Variants in PRDM6 observed in about 807,000 individuals in gnomAD.
The protein encoded by PRDM6 is PR/SET domain 6.
A neutral mutation model predicts 60.8 loss-of-function variants in PRDM6; 25 were observed. The ratio of observed to expected loss-of-function variants is 0.41; its 90% CI spans 0.30 to 0.57. The LOEUF is 0.57. PRDM6 is among the 20% of genes least tolerant of loss of function. PRDM6 has a pLI of 0.27. For synonymous variants in PRDM6, 407 were observed against 357.4 expected (o/e 1.14, Z -1.57); for missense variants, 839 against 821.3 (o/e 1.02, Z -0.26).
intron 6 of PRDM6, 126 bp from the exon 7 acceptor site, chr5:123,180,021 G>C (rs1766110265): frequency 1.1e-6 from 1 of 928,856 alleles, no homozygotes; most frequent in Non-Finnish European, 1.6e-6. Context: ...AGTGGCCAAA[G>C]CTCTATGCCC....
Position 123,099,883 on chromosome 5 carries a change from T to G in PRDM6, c.822T>G (p.Ile274Met). ...AGAGGATCCAGCAAGGCACCTGGAT[T>G]GGACCTTTCCAAGGCGTGCTTCTGC... ...AAQRIQQGTW[I>M]GPFQGVLLPP... is the part of the protein sequence containing the mutation. Residue 274 changes from isoleucine (I) to methionine (M), a missense_variant, in exon 3 of 8, where the codon ATT (isoleucine) becomes ATG (methionine). Physicochemically the swap from Ile to Met is conservative, Grantham distance 10. Around this residue, in one of 2 missense-constraint regions of PRDM6, gnomAD observed 730 missense variants for 648.8 expected, o/e 1.13. Transcript: ENST00000407847. This position sits in a 1 kb window ranked among gnomAD's most constrained non-coding sequence, Gnocchi z 4.0. 1 of 1,549,870 alleles carries G rather than the reference T, an allele frequency of 6.5e-7. No homozygotes were observed. The highest frequency in any genetic ancestry group is 8.7e-7 in the Non-Finnish European group (1 of 1,146,446).
In PRDM6 at chr5:123,170,844, C is replaced by T; in HGVS notation, c.1232C>T (p.Ala411Val). ...LQPFNKSSKL[A>V]PTTQQRSVVF... ...CCCTTCAACAAAAGCAGCAAACTCG[C>T]CCCTACCACCCAGCAGCGCTCCGTT... Residue 411 changes from alanine (A) to valine (V), a missense_variant, in exon 6 of 8, where the codon GCC becomes GTC. Physicochemically the swap from Ala to Val is moderately conservative, Grantham distance 64 (BLOSUM62 0). Transcript: ENST00000407847. The T allele has an allele frequency of 6.4e-7, 1 of 1,552,236 alleles. No homozygotes were observed. Among genetic ancestry groups the T allele is most frequent in the Non-Finnish European group, 8.7e-7 (1 of 1,147,116 alleles).
chr5:123,126,533 G>T (rs1764699231), intron 3 of PRDM6, among the ~76,000 whole-genome samples: 1 of 152,216 alleles, frequency 6.6e-6, no homozygotes, highest in Non-Finnish European at 1.5e-5. Context: ...TTGGCCTCAT[G>T]CCAGCCACCA....
At chr5:123,170,533 C>A (rs190892820) in intron 5 of PRDM6, among the ~76,000 whole-genome samples, 412 of 152,272 alleles carry the variant, frequency 2.7e-3, no homozygotes, top group Admixed American at 4.1e-3. Flanking sequence ...AGGGCAAAGA[C>A]CATGTAAAAC....
chr5:123,132,762 T>A (rs1764861049), intron 3 of PRDM6, among the ~76,000 whole-genome samples: 5 of 152,138 alleles, frequency 3.3e-5, no homozygotes, highest in Admixed American at 3.3e-4. Flanking sequence ...ATTAACATCA[T>A]TGTTTTGGAA....
Position 123,090,605 on chromosome 5 carries a change from C to G in PRDM6, c.591C>G (p.Asn197Lys). ...ACCAGCACACCAGCGACCCCAACAA[C>G]CGTACGTAGCCGCAGCCCGCGCGCT... ...PLNQHTSDPN[N>K]RCDMCADNRN... The change falls in exon 2 of 8, where the codon AAC (asparagine) becomes AAG (lysine). Residue 197 changes from asparagine to lysine, a missense_variant and splice_region_variant. Transcript: ENST00000407847. 1 of 1,520,078 alleles carries G rather than the reference C, an allele frequency of 6.6e-7. No homozygotes were observed. The highest frequency in any genetic ancestry group is 8.8e-7 in the Non-Finnish European group (1 of 1,141,502). The allele number at this position is 1,520,078 out of a possible 1,614,324, so 94.2% of individuals were successfully genotyped here. A position where few individuals can be genotyped will look rare whatever the true frequency, so the allele number is the denominator to read the frequency against.
At chr5:123,153,032 C>G (rs889253206) in intron 3 of PRDM6, among the ~76,000 whole-genome samples, 1 of 151,918 alleles carries the variant, frequency 6.6e-6, no homozygotes, top group Non-Finnish European at 1.5e-5. Flanking sequence ...AAAGAACAGA[C>G]CAAAAGCAAT....
intron 3 of PRDM6, among the ~76,000 whole-genome samples, chr5:123,114,401 G>A (rs558586504): frequency 2.4e-4 from 36 of 152,236 alleles, no homozygotes; most frequent in Non-Finnish European, 5.0e-4. Context: ...CTATTTTAGA[G>A]TCACATCTCC....
intron 6 of PRDM6, among the ~76,000 whole-genome samples, chr5:123,173,158 T>A (rs1056849606): frequency 8.7e-5 from 13 of 149,104 alleles, no homozygotes; most frequent in Admixed American, 7.4e-4. Context: ...ACCACTGCAC[T>A]CCAGCCTGGG....
intron 3 of PRDM6, among the ~76,000 whole-genome samples, chr5:123,137,321 T>C (rs543455743): frequency 6.6e-6 from 1 of 152,262 alleles, no homozygotes; most frequent in African/African-American, 2.4e-5. Flanking sequence ...TCATCAAATT[T>C]TAGGATTTAA....
intron 6 of PRDM6, among the ~76,000 whole-genome samples, chr5:123,174,655 A>G (rs547373243): frequency 7.9e-5 from 12 of 152,334 alleles, no homozygotes; most frequent in Admixed American, 1.3e-4. Flanking sequence ...GTGAGATACC[A>G]TCAAAAGTCT....
intron 3 of PRDM6, among the ~76,000 whole-genome samples, chr5:123,110,660 C>T (rs335192): frequency 0.19 from 29,260 of 150,070 alleles, 3,026 homozygotes; most frequent in African/African-American, 0.22. Context: ...CTCCGCCTCC[C>T]GGGTTCAAGC....
In PRDM6 at chr5:123,090,473, T is replaced by TGGCGGC. The variant is rs756967815; in HGVS notation, c.468_473dup (p.Gly157_Gly158dup). 2.0e-6 allele frequency: 3 copies of TGGCGGC among 1,483,246 alleles called. No individual in the cohort carries two copies. The highest frequency in any genetic ancestry group is 2.5e-5 in the South Asian group (2 of 78,454). The allele number at this position is 1,483,246 out of a possible 1,614,324, so 91.9% of individuals were successfully genotyped here. A position where few individuals can be genotyped will look rare whatever the true frequency, so the allele number is the denominator to read the frequency against. On this transcript the variant is annotated inframe_insertion, in exon 2 of 8. Coordinates refer to ENST00000407847, the MANE Select transcript of PRDM6 (RefSeq NM_001136239.4). ...CCGGGCCCGTCAAGTGCGGTGGTGG[T>TGGCGGC]GGCGGCGGCGGCGGGGAGGGTCGCG...
rs146693685 is a variant in PRDM6, at chr5:123,137,524, G to T, written c.901-18360G>T. Among the ~76,000 whole-genome samples, 316 of 152,238 alleles carry T rather than the reference G, an allele frequency of 2.1e-3. 1 individual carries two copies. Among genetic ancestry groups the T allele is most frequent in the African/African-American group, 7.0e-3 (291 of 41,536 alleles). On this transcript the variant is annotated intron_variant, in intron 3 of 7. Coordinates refer to ENST00000407847, the MANE Select transcript of PRDM6 (RefSeq NM_001136239.4). ...GTTGTATTTAAAACCATCCTTCTGA[G>T]CAAACTAACACAAGAACAGAAAACC...
intron 5 of PRDM6, among the ~76,000 whole-genome samples, chr5:123,165,320 A>G (rs1030741942): frequency 1.3e-5 from 2 of 151,976 alleles, no homozygotes; most frequent in African/African-American, 2.4e-5. Context: ...CAATCATCCA[A>G]TTGCTCTGTC....
chr5:123,143,545 T>C (rs1342199177), intron 3 of PRDM6, among the ~76,000 whole-genome samples: 1 of 152,168 alleles, frequency 6.6e-6, no homozygotes, highest in African/African-American at 2.4e-5. Context: ...TGACGGGATC[T>C]CTTGGTTAGA....
At chr5:123,177,018 T>C (rs1242385622) in intron 6 of PRDM6, among the ~76,000 whole-genome samples, 3 of 152,208 alleles carry the variant, frequency 2.0e-5, no homozygotes, top group African/African-American at 7.2e-5. Context: ...GGAGTTAGGA[T>C]GTGCTAATTG....
At chr5:123,152,470 G>A (rs946605438) in intron 3 of PRDM6, among the ~76,000 whole-genome samples, 2 of 152,108 alleles carry the variant, frequency 1.3e-5, no homozygotes, top group Admixed American at 6.6e-5. Context: ...GAAAAACAAG[G>A]TTGGTCTATT....
At chr5:123,124,316 G>A (rs145785752) in intron 3 of PRDM6, among the ~76,000 whole-genome samples, 224 of 152,252 alleles carry the variant, frequency 1.5e-3, no homozygotes, top group Middle Eastern at 6.8e-3. Context: ...TTAGACACTC[G>A]CATTTGTAGA....
Sources: gnomAD v4.1 joint callset for allele counts (sites outside exome capture counted in the v4.1 genomes callset) on GRCh38, gnomAD v4.1.1 for gene constraint, gnomAD v4.1.1 regional missense constraint, Gnocchi (gnomAD v3.1) non-coding constraint, MANE v1.5 for transcripts, NCBI Gene and HGNC (gene_info 2026-07-23, HGNC 2026-07-21) for gene names.